Variants in PTPRG observed in about 807,000 individuals in gnomAD.
PTPRG encodes the protein receptor-type tyrosine-protein phosphatase gamma.
In PTPRG, 102 loss-of-function variants were observed where a neutral mutation model predicts 165.3. The observed-to-expected ratio is 0.62, with a 90% CI of 0.53 to 0.73. The LOEUF is 0.73. Ranked by LOEUF, PTPRG falls within the 30% of genes least tolerant of loss-of-function variation. The pLI is 0.00. For synonymous variants in PTPRG, 675 were observed against 669.5 expected (o/e 1.01, Z -0.13); for missense variants, 1,866 against 1,861.4 (o/e 1.00, Z -0.05).
chr3:62,088,205 C>T (rs1325543037), intron 5 of PTPRG, among the ~76,000 whole-genome samples: 1 of 152,168 alleles, frequency 6.6e-6, no homozygotes, highest in Non-Finnish European at 1.5e-5. Context: ...GGAGAGTGCC[C>T]AGGAACGCTG....
intron 4 of PTPRG, among the ~76,000 whole-genome samples, chr3:62,029,296 A>G (rs1699686473): frequency 6.6e-6 from 1 of 152,032 alleles, no homozygotes; most frequent in Non-Finnish European, 1.5e-5. Flanking sequence ...ATTTGGAGAC[A>G]CTGCTTACTT....
At chr3:61,854,448 ACT>A (rs1174167416) in intron 2 of PTPRG, among the ~76,000 whole-genome samples, 3 of 152,020 alleles carry the variant, frequency 2.0e-5, no homozygotes, top group East Asian at 1.9e-4. Context: ...TTCTCTATTT[ACT>A]CTGTTTCTCC....
intron 1 of PTPRG, among the ~76,000 whole-genome samples, chr3:61,662,883 G>A (rs760102476): frequency 3.3e-5 from 5 of 152,322 alleles, no homozygotes; most frequent in Middle Eastern, 3.4e-3. Context: ...GGAAATGCAG[G>A]TGAGCAAGGG....
chr3:61,582,252 A>C (rs1700314676), intron 1 of PTPRG, among the ~76,000 whole-genome samples: 1 of 152,292 alleles, frequency 6.6e-6, no homozygotes, highest in African/African-American at 2.4e-5. Context: ...ACAGGGTGTG[A>C]GCCACTGCAC....
chr3:61,969,602 C>T (rs2040340875), intron 2 of PTPRG, among the ~76,000 whole-genome samples: 1 of 152,040 alleles, frequency 6.6e-6, no homozygotes, highest in Non-Finnish European at 1.5e-5. Flanking sequence ...TGAGGTGGGT[C>T]TGGGAGTTGG....
intron 2 of PTPRG, among the ~76,000 whole-genome samples, chr3:61,775,534 T>G (rs912134199): frequency 4.6e-5 from 7 of 152,132 alleles, no homozygotes; most frequent in Non-Finnish European, 7.3e-5. Context: ...GAAATCTTCT[T>G]TTTGATAATT....
At chr3:62,100,740 T>C (rs9866862) in intron 5 of PTPRG, among the ~76,000 whole-genome samples, 1 of 152,246 alleles carries the variant, frequency 6.6e-6, no homozygotes, top group Non-Finnish European at 1.5e-5. Flanking sequence ...GTAAAGACTT[T>C]ATGGAATACG....
chr3:62,048,340 C>A (rs117749603), intron 4 of PTPRG, among the ~76,000 whole-genome samples: 1 of 152,288 alleles, frequency 6.6e-6, no homozygotes, highest in East Asian at 1.9e-4. Context: ...TTATAACTTT[C>A]CTCCTACTTG....
intron 1 of PTPRG, among the ~76,000 whole-genome samples, chr3:61,607,533 C>T (rs912923232): frequency 1.4e-4 from 22 of 152,164 alleles, no homozygotes; most frequent in African/African-American, 2.4e-5. Context: ...AGAAAGGCAG[C>T]TCGACAAACT....
intron 3 of PTPRG, among the ~76,000 whole-genome samples, chr3:61,993,519 C>A (rs1448781020): frequency 6.6e-6 from 1 of 152,096 alleles, no homozygotes; most frequent in African/African-American, 2.4e-5. Context: ...GTGCCCGGCC[C>A]ACTGTACTAG....
At chr3:61,635,303 A>T (rs1701878036) in intron 1 of PTPRG, among the ~76,000 whole-genome samples, 1 of 150,338 alleles carries the variant, frequency 6.7e-6, no homozygotes, top group Non-Finnish European at 1.5e-5. Context: ...TATGCTGTTT[A>T]GTTTTTACCA....
At chr3:61,736,208 A>ATT (rs527807808) in intron 1 of PTPRG, among the ~76,000 whole-genome samples, 34 of 141,786 alleles carry the variant, frequency 2.4e-4, no homozygotes, top group East Asian at 1.4e-3. Flanking sequence ...GCACCCGGCC[A>ATT]TTTTTTTTTT....
At chr3:62,072,493 T>TA (rs1223126655) in intron 4 of PTPRG, among the ~76,000 whole-genome samples, 2 of 151,544 alleles carry the variant, frequency 1.3e-5, no homozygotes, top group African/African-American at 4.8e-5. Flanking sequence ...GACTCTCACT[T>TA]ACGACTTTGA....
chr3:61,660,644 G>C (rs1259935318), intron 1 of PTPRG, among the ~76,000 whole-genome samples: 1 of 152,154 alleles, frequency 6.6e-6, no homozygotes, highest in Non-Finnish European at 1.5e-5. Context: ...GAAGCTTCTA[G>C]AACAGCACGT....
At chr3:61,675,845 G>C (rs1703199412) in intron 1 of PTPRG, among the ~76,000 whole-genome samples, 1 of 107,594 alleles carries the variant, frequency 9.3e-6, no homozygotes, top group South Asian at 2.9e-4. Flanking sequence ...TGTTCAGTAA[G>C]CCATAAACAT....
At chr3:61,977,391 T>C (rs2040535830) in intron 2 of PTPRG, among the ~76,000 whole-genome samples, 1 of 152,182 alleles carries the variant, frequency 6.6e-6, no homozygotes, top group African/African-American at 2.4e-5. Flanking sequence ...ATGTTTTTGG[T>C]TAATTATAGA....
Position 61,859,412 on chromosome 3 carries a change from A to C in PTPRG, c.190+110430A>C, listed in dbSNP as rs544491202. On this transcript the variant is annotated intron_variant, in intron 2 of 29. Coordinates refer to ENST00000474889, the MANE Select transcript of PTPRG (RefSeq NM_002841.4). Reference sequence around the variant, plus strand: ...TCAAACCCGGGTCTAATTTTGAATTACCCTTTATCTAAAATCATGGAATAT... The same window carrying C: ...TCAAACCCGGGTCTAATTTTGAATTCCCCTTTATCTAAAATCATGGAATAT... 9.9e-5 allele frequency among the ~76,000 whole-genome samples: 15 copies of C among 152,284 alleles called. No homozygotes were observed. The East Asian group carries it at 1.7e-3, about 18-fold the overall frequency.
At chr3:61,838,833 TA>T (rs2036541867) in intron 2 of PTPRG, among the ~76,000 whole-genome samples, 1 of 152,224 alleles carries the variant, frequency 6.6e-6, no homozygotes, top group Admixed American at 6.5e-5. Flanking sequence ...TTTCTGTAAA[TA>T]AAATTGATAG....
intron 1 of PTPRG, among the ~76,000 whole-genome samples, chr3:61,628,145 C>T (rs1432036455): frequency 6.6e-6 from 1 of 152,150 alleles, no homozygotes; most frequent in Non-Finnish European, 1.5e-5. Context: ...GGAGTGCCGA[C>T]TGTGGATTTA....
Sources: gnomAD v4.1 joint callset for allele counts (sites outside exome capture counted in the v4.1 genomes callset) on GRCh38, gnomAD v4.1.1 for gene constraint, MANE v1.5 for transcripts, NCBI Gene and HGNC (gene_info 2026-07-23, HGNC 2026-07-21) for gene names.